The following NRXN3 variants were observed in gnomAD, a reference collection of about 807,000 sequenced individuals.
The protein encoded by NRXN3 is neurexin III.
NRXN3 carries 32 observed loss-of-function variants against 137.6 expected under a neutral mutation model. The ratio of observed to expected loss-of-function variants is 0.23; its 90% CI spans 0.18 to 0.31. NRXN3 has a LOEUF of 0.31. Among genes scored for constraint, NRXN3 ranks in the 10% least tolerant of loss-of-function variants. NRXN3 has a pLI of 1.00. For synonymous variants in NRXN3, 798 were observed against 784.5 expected (o/e 1.02, Z -0.29); for missense variants, 1,574 against 2,062.5 (o/e 0.76, Z 4.59).
intron 4 of NRXN3, among the ~76,000 whole-genome samples, chr14:78,484,441 G>A (rs1266143062): frequency 6.6e-6 from 1 of 152,182 alleles, no homozygotes; most frequent in Non-Finnish European, 1.5e-5. Flanking sequence ...AGTATGAATT[G>A]TGCTCCTGGG....
intron 15 of NRXN3, among the ~76,000 whole-genome samples, chr14:79,297,957 A>G (rs2153220387): frequency 6.6e-6 from 1 of 152,234 alleles, no homozygotes; most frequent in East Asian, 1.9e-4. Context: ...TTGTTTCTAA[A>G]AAGACAGCCA....
At chr14:78,727,590 C>G (rs1163029506) in intron 8 of NRXN3, among the ~76,000 whole-genome samples, 1 of 152,116 alleles carries the variant, frequency 6.6e-6, no homozygotes, top group African/African-American at 2.4e-5. Context: ...TGAAAATTAG[C>G]CAGGCATGGT....
intron 19 of NRXN3, among the ~76,000 whole-genome samples, chr14:79,797,412 G>T (rs538096624): frequency 6.6e-6 from 1 of 152,128 alleles, no homozygotes; most frequent in Non-Finnish European, 1.5e-5. Flanking sequence ...TGTTCCAATC[G>T]AAATACTTAA....
intron 16 of NRXN3, among the ~76,000 whole-genome samples, chr14:79,525,661 T>C (rs912643510): frequency 3.3e-5 from 5 of 152,230 alleles, no homozygotes; most frequent in African/African-American, 1.2e-4. Flanking sequence ...GTGGTATTCA[T>C]TTTCCTTTTA....
chr14:79,627,786 T>C (rs1235404491), intron 16 of NRXN3, among the ~76,000 whole-genome samples: 1 of 152,164 alleles, frequency 6.6e-6, no homozygotes, highest in Admixed American at 6.5e-5. Flanking sequence ...AAGTACCATG[T>C]TTAAGGCTTC....
intron 10 of NRXN3, among the ~76,000 whole-genome samples, chr14:78,833,944 A>T (rs1285010365): frequency 2.0e-5 from 3 of 152,164 alleles, no homozygotes; most frequent in Admixed American, 2.0e-4. Flanking sequence ...TTTAGAGGAG[A>T]CAGGTCATTA....
intron 16 of NRXN3, among the ~76,000 whole-genome samples, chr14:79,519,758 A>G (rs73341460): frequency 0.014 from 2,099 of 147,548 alleles, 48 homozygotes; most frequent in African/African-American, 0.051. Flanking sequence ...AAATGTGTAC[A>G]ATAGTATTTC....
At chr14:78,652,106 G>A (rs567383059) in intron 6 of NRXN3, among the ~76,000 whole-genome samples, 9 of 152,332 alleles carry the variant, frequency 5.9e-5, no homozygotes, top group African/African-American at 2.2e-4. Context: ...TCAATCTGTT[G>A]TTGTGTACCC....
At chr14:78,414,921 C>T (rs1399392976) in intron 4 of NRXN3, among the ~76,000 whole-genome samples, 1 of 152,138 alleles carries the variant, frequency 6.6e-6, no homozygotes, top group Non-Finnish European at 1.5e-5. Context: ...GCAAGGGAGG[C>T]TCACATGCTG....
rs117941353 is a variant in NRXN3 at position 78,738,013 on chromosome 14, A to G, written c.2044+22874A>G. 4.8e-3 allele frequency among the ~76,000 whole-genome samples: 738 copies of G among 152,290 alleles called. 1 individual carries two copies. Among genetic ancestry groups the G allele is most frequent in the Admixed American group, 6.6e-3 (101 of 15,292 alleles). On this transcript the variant is annotated intron_variant, in intron 8 of 20. Transcript: ENST00000335750. ...AAACCCATGCCTCAGCATCGGGCTA[A>G]AAAAGTTAATGGATTTCTTGATTTT... is the stretch of plus-strand genomic sequence containing the variant.
rs545700701 is a variant in NRXN3 at position 78,333,460 on chromosome 14, G to A, written c.757+35600G>A. 3.9e-5 allele frequency among the ~76,000 whole-genome samples: 6 copies of A among 152,288 alleles called. 1 individual carries two copies. The highest frequency in any genetic ancestry group is 1.4e-4 in the African/African-American group (6 of 41,564). On this transcript the variant is annotated intron_variant, in intron 4 of 20. Transcript: ENST00000335750. ...TCTTATATTCTACTGGGAGAGTAGG[G>A]TAGAGAAGTACACACATAAAGAAAA... is the stretch of plus-strand genomic sequence containing the variant.
intron 1 of NRXN3, among the ~76,000 whole-genome samples, chr14:78,187,579 A>G (rs4899701): frequency 1.3e-4 from 20 of 152,054 alleles, no homozygotes; most frequent in African/African-American, 4.6e-4. Context: ...TGGTTCTGGT[A>G]TATAGGAGCT....
At chr14:78,556,229 A>G (rs539269781) in intron 4 of NRXN3, among the ~76,000 whole-genome samples, 20 of 152,166 alleles carry the variant, frequency 1.3e-4, no homozygotes, top group Non-Finnish European at 2.2e-4. Flanking sequence ...TCATGACATC[A>G]CTAATTCATA....
chr14:79,096,552 C>T (rs1373312045), intron 15 of NRXN3, among the ~76,000 whole-genome samples: 1 of 152,074 alleles, frequency 6.6e-6, no homozygotes, highest in Non-Finnish European at 1.5e-5. Flanking sequence ...AGCCATGGCT[C>T]CTTCCCTGTA....
intron 16 of NRXN3, among the ~76,000 whole-genome samples, chr14:79,642,044 A>G (rs2098436071): frequency 7.4e-6 from 1 of 135,660 alleles, no homozygotes; most frequent in East Asian, 2.0e-4. Flanking sequence ...AGGTGACATA[A>G]AAGTATTTTC....
chr14:79,788,527 C>T (rs930846121), intron 19 of NRXN3, among the ~76,000 whole-genome samples: 1 of 152,158 alleles, frequency 6.6e-6, no homozygotes, highest in Admixed American at 6.5e-5. Flanking sequence ...TTTCAAACCA[C>T]ATAACAATAG....
At chr14:78,324,898 T>C (rs1330671679) in intron 4 of NRXN3, among the ~76,000 whole-genome samples, 2 of 151,850 alleles carry the variant, frequency 1.3e-5, no homozygotes, top group South Asian at 2.1e-4. Flanking sequence ...AAGACCCAAT[T>C]TGGCCATCAT....
intron 15 of NRXN3, among the ~76,000 whole-genome samples, chr14:79,432,968 T>G (rs2095788533): frequency 6.6e-6 from 1 of 152,234 alleles, no homozygotes; most frequent in Admixed American, 6.5e-5. Flanking sequence ...GAATAATGCT[T>G]CTTTTGCTAT....
At chr14:78,277,814 C>A (rs4903735) in intron 2 of NRXN3, among the ~76,000 whole-genome samples, 113,708 of 152,098 alleles carry the variant, frequency 0.75, 42,824 homozygotes, top group African/African-American at 0.81. Flanking sequence ...GGCTGATAGG[C>A]GCGAACCGTT....
Sources: gnomAD v4.1 joint callset for allele counts (sites outside exome capture counted in the v4.1 genomes callset) on GRCh38, gnomAD v4.1.1 for gene constraint, MANE v1.5 for transcripts, NCBI Gene and HGNC (gene_info 2026-07-23, HGNC 2026-07-21) for gene names.